Variants in CEP95 observed in about 807,000 individuals in gnomAD.
The protein encoded by CEP95 is centrosomal protein 95, also known as centrosomal protein of 95 kDa.
CEP95 carries 98 observed loss-of-function variants against 111.2 expected under a neutral mutation model. That is an observed-to-expected ratio of 0.88 (90% CI 0.75 to 1.04). The LOEUF is 1.04. CEP95 is among the 50% of genes least tolerant of loss of function. The pLI, the probability that CEP95 is intolerant of heterozygous loss-of-function variation, is 0.00. For synonymous variants in CEP95, 323 were observed against 327.1 expected (o/e 0.99, Z 0.14); for missense variants, 1,027 against 977.2 (o/e 1.05, Z -0.68).
At chr17:64,527,428 A>G (rs1453456467) in intron 11 of CEP95, among the ~76,000 whole-genome samples, 164 bp downstream of exon 11, 1 of 152,228 alleles carries the variant, frequency 6.6e-6, no homozygotes, top group Non-Finnish European at 1.5e-5. Context: ...AGAAGTAGCA[A>G]GTGTTAACAA....
At chr17:64,508,271 A>G in intron 1 of CEP95, 1 of 985,952 alleles carries the variant, frequency 1.0e-6, no homozygotes, top group Non-Finnish European at 1.2e-6. Flanking sequence ...ACTTGTAAAT[A>G]TGTTTTAACT....
upstream of CEP95, chr17:64,506,779 G>T (rs1334203334): frequency 1.3e-5 from 7 of 531,096 alleles, no homozygotes; most frequent in Non-Finnish European, 2.4e-5. Context: ...TCGCACCCCG[G>T]GACCCGCCCG....
chr17:64,512,000 C>T (rs185935084), intron 3 of CEP95, among the ~76,000 whole-genome samples: 1 of 152,262 alleles, frequency 6.6e-6, no homozygotes, highest in Admixed American at 6.5e-5. Context: ...ATTAGAAACA[C>T]CTAAATGTCC....
At chr17:64,527,870 G>GTGTATA (rs1319661913) in intron 11 of CEP95, among the ~76,000 whole-genome samples, 1 of 112,640 alleles carries the variant, frequency 8.9e-6, no homozygotes, top group African/African-American at 3.1e-5. Flanking sequence ...GTGTGTGTGT[G>GTGTATA]TATATATATA....
rs540309029 is a variant in CEP95, at chr17:64,524,170, G to A, written c.909+1275G>A. On this transcript the variant is annotated intron_variant, in intron 8 of 19. Coordinates refer to ENST00000556440, the MANE Select transcript of CEP95 (RefSeq NM_138363.3). ...GGGTTTTAGAGATATTTCTGAGTTG[G>A]TAATACTCTGTTTCTTGACCTGGGT... 5.3e-5 allele frequency among the ~76,000 whole-genome samples: 8 copies of A among 152,256 alleles called. No individual in the cohort carries two copies. In the South Asian group the frequency reaches 8.3e-4, roughly 16 times the overall value.
At chr17:64,537,208 T>A in intron 19 of CEP95, 96 bp downstream of exon 19, 4 of 1,540,478 alleles carry the variant, frequency 2.6e-6, no homozygotes, top group Non-Finnish European at 3.5e-6. Context: ...ATAGGCTGTA[T>A]CATATAGCCC....
chr17:64,534,889 C>T (rs1555681270), intron 17 of CEP95, 152 bp downstream of exon 17: 1 of 797,452 alleles, frequency 1.3e-6, no homozygotes, highest in African/African-American at 1.7e-5. Context: ...CTTGGCCACA[C>T]TTCATTTTCT....
chr17:64,530,548 G>C (rs1262249483), intron 12 of CEP95, among the ~76,000 whole-genome samples: 3 of 138,000 alleles, frequency 2.2e-5, no homozygotes, highest in African/African-American at 8.1e-5. Context: ...CACTCTTGCC[G>C]CCCAGGCTGG....
At chr17:64,532,125 C>A in intron 14 of CEP95, 103 bp downstream of exon 14, 2 of 1,366,542 alleles carry the variant, frequency 1.5e-6, no homozygotes, top group Non-Finnish European at 1.9e-6. Context: ...ACCAGTTAGC[C>A]GAAGAAAGTT....
intron 17 of CEP95, 182 bp downstream of exon 17, chr17:64,534,919 G>A (rs1032610659): frequency 9.4e-6 from 6 of 639,034 alleles, no homozygotes; most frequent in Admixed American, 5.1e-5. Flanking sequence ...GTGCATTCCC[G>A]TCCATTCTCA....
At chr17:64,512,700 C>T (rs781923175) in intron 3 of CEP95, among the ~76,000 whole-genome samples, 4 of 151,998 alleles carry the variant, frequency 2.6e-5, no homozygotes, top group Non-Finnish European at 4.4e-5. Flanking sequence ...CAAATTTTTG[C>T]GAAGAGAATA....
chr17:64,531,809 G>C, intron 13 of CEP95, 81 bp from the exon 14 acceptor site: 2 of 1,034,908 alleles, frequency 1.9e-6, no homozygotes, highest in Non-Finnish European at 2.6e-6. Context: ...AGCTGTTTTT[G>C]TCAGTATGTA....
intron 1 of CEP95, chr17:64,507,609 T>C: frequency 1.0e-6 from 1 of 992,828 alleles, no homozygotes; most frequent in African/African-American, 1.7e-5. Flanking sequence ...ATGGGCTTTG[T>C]CTAGCACCGC....
chr17:64,522,822 GA>G lies in CEP95; in HGVS notation c.840del (p.Glu281AsnfsTer12). 2.5e-6 allele frequency: 4 copies of G among 1,613,680 alleles called. No individual in the cohort carries two copies. Among genetic ancestry groups the G allele is most frequent in the Non-Finnish European group, 3.4e-6 (4 of 1,179,836 alleles). On this transcript the variant is annotated frameshift_variant, in exon 8 of 20. Transcript: ENST00000556440. LOFTEE classifies it high-confidence loss of function. ...GAGCCTCGAGCACCCTGCCCCATAG[GA>G]AAAGAATACTTGCATTCAAGTCACT... is the stretch of plus-strand genomic sequence containing the variant. Reference protein sequence around the residue: ...PSEPRAPCPIGKEYLHSSHCS... With the variant: ...PSEPRAPCPIXKEYLHSSHCS...
chr17:64,536,930 A>T, intron 18 of CEP95, 111 bp from the exon 19 acceptor site: 2 of 1,226,348 alleles, frequency 1.6e-6, no homozygotes, highest in Admixed American at 2.5e-5. Context: ...ATAGTACAGT[A>T]TATTTCCCTA....
At chr17:64,510,880 G>GGTTCT (rs1390125108) in intron 3 of CEP95, among the ~76,000 whole-genome samples, 1 of 152,138 alleles carries the variant, frequency 6.6e-6, no homozygotes, top group Non-Finnish European at 1.5e-5. Flanking sequence ...TAGTCACGTA[G>GGTTCT]GTTCTTTTCT....
chr17:64,516,878 A>G (rs1004871684), intron 5 of CEP95, 50 bp downstream of exon 5: 2 of 1,115,868 alleles, frequency 1.8e-6, no homozygotes, highest in Non-Finnish European at 2.7e-6. Context: ...CGCTTTTTGG[A>G]CTAAGAATTA....
At chr17:64,508,505 G>A (rs1049451869) in intron 1 of CEP95, 87 bp from the exon 2 acceptor site, 6 of 1,229,376 alleles carry the variant, frequency 4.9e-6, no homozygotes, top group Non-Finnish European at 6.2e-6. Flanking sequence ...GTTTTTGTTG[G>A]GGGGGAGGTT....
At chr17:64,518,300 T>C (rs1392544157) in intron 5 of CEP95, among the ~76,000 whole-genome samples, 2 of 152,236 alleles carry the variant, frequency 1.3e-5, no homozygotes, top group African/African-American at 4.8e-5. Flanking sequence ...ATCAAAAACG[T>C]GATACTTAAT....
Sources: allele counts gnomAD v4.1 joint callset (sites outside exome capture counted in the v4.1 genomes callset), GRCh38; gene constraint gnomAD v4.1.1; transcripts MANE v1.5; gene names NCBI Gene and HGNC (gene_info 2026-07-23, HGNC 2026-07-21).